TSC1: variants seen among roughly 807,000 people sequenced by gnomAD.
TSC1 encodes the protein TSC complex subunit 1.
TSC1 carries 20 observed loss-of-function variants against 124.3 expected under a neutral mutation model. The ratio of observed to expected loss-of-function variants is 0.16; its 90% confidence interval spans 0.11 to 0.23. TSC1 has a LOEUF of 0.23. Ranked by LOEUF, TSC1 falls within the 10% of genes least tolerant of loss-of-function variation. TSC1 has a pLI of 1.00. For missense variants in TSC1, 1,124 were observed against 1,448.5 expected, an observed-to-expected ratio of 0.78 and a Z score of 3.64; for synonymous variants, 493 against 539.1, an observed-to-expected ratio of 0.91 and a Z score of 1.19.
At position 132,944,579 on chromosome 9, in the gene TSC1, T is replaced by A. The variant is rs1229074092; in HGVS notation, c.-180A>T. 3 of 398,442 alleles carry A rather than the reference T, an allele frequency of 7.5e-6. No individual in the cohort carries two copies. Among genetic ancestry groups the A allele is most frequent in the Admixed American group, 4.4e-5 (1 of 22,692 alleles). The allele number at this position is 398,442 out of a possible 1,614,324, so 24.7% of individuals were successfully genotyped here. A position where few individuals can be genotyped will look rare whatever the true frequency, so the allele number is the denominator to read the frequency against. On this transcript the variant is annotated 5_prime_UTR_variant, in exon 1 of 23. Coordinates refer to ENST00000298552, the MANE Select transcript of TSC1 (RefSeq NM_000368.5). ...TCCCCCTCAGCTGTTTACCTCACAGTCCCTCCAGCCTACAGGGCGCCGCCA... is the reference window on the plus strand; with the variant it reads ...TCCCCCTCAGCTGTTTACCTCACAGACCCTCCAGCCTACAGGGCGCCGCCA...
intron 13 of TSC1, 117 bp downstream of exon 13, chr9:132,907,184 G>T: frequency 1.2e-6 from 1 of 828,236 alleles, no homozygotes; most frequent in Non-Finnish European, 2.1e-6. Context: ...TTATGTTTAG[G>T]CCTCAGTATT....
chr9:132,901,549 G>C (rs375844596), intron 19 of TSC1, 40 bp downstream of exon 19: 1 of 1,518,998 alleles, frequency 6.6e-7, no homozygotes, highest in Non-Finnish European at 9.1e-7. Context: ...GTTAGCAAAT[G>C]GTGTTTCAGC....
rs1057521710 is a variant in TSC1, at chr9:132,897,180, C to G, written c.2975+4G>C. The G allele has an allele frequency of 6.2e-7, 1 of 1,614,040 alleles. No homozygotes were observed. The highest frequency in any genetic ancestry group is 1.3e-5 in the African/African-American group (1 of 75,050). On this transcript the variant is annotated splice_donor_region_variant and intron_variant, in intron 22 of 22. Coordinates refer to ENST00000298552, the MANE Select transcript of TSC1 (RefSeq NM_000368.5). ...AAGGTCATGAATCAGTTCTTTGTTCCTACCTTTCTTCTGCTGCTTCAGCTG... is the reference window on the plus strand; with the variant it reads ...AAGGTCATGAATCAGTTCTTTGTTCGTACCTTTCTTCTGCTGCTTCAGCTG...
upstream of TSC1, chr9:132,944,752 GC>G: frequency 2.5e-6 from 1 of 397,382 alleles, no homozygotes; most frequent in Non-Finnish European, 4.4e-6. Flanking sequence ...GAAGGAAGAG[GC>G]TCTTCCACTC....
intron 8 of TSC1, among the ~76,000 whole-genome samples, chr9:132,914,310 T>C (rs1259618161): frequency 2.0e-5 from 3 of 152,120 alleles, no homozygotes; most frequent in Non-Finnish European, 4.4e-5. Context: ...ACAGCACAGC[T>C]TGTAATGGAA....
rs1162755582 is a variant in TSC1, at chr9:132,921,464, A to C, written c.664-28T>G. The C allele has an allele frequency of 6.2e-7, 1 of 1,612,342 alleles. No homozygotes were observed. The highest frequency in any genetic ancestry group is 1.3e-5 in the African/African-American group (1 of 74,902). ...AGAAGAGTTGGGTTGACAAATTATA[A>C]AGGGCTGAATGTTTGTGGAACATCC... On this transcript the variant is annotated intron_variant, in intron 7 of 22. Transcript: ENST00000298552. The surrounding 1 kb of genome is among the most constrained non-coding windows in gnomAD (Gnocchi z 4.3).
chr9:132,899,946 C>T (rs1399467022), intron 20 of TSC1: 4 of 152,294 alleles, frequency 2.6e-5, no homozygotes, highest in Non-Finnish European at 5.9e-5. Context: ...CCACACCTAA[C>T]ATCCTTCTAA....
rs745475737 is a variant in TSC1 at position 132,896,316 on chromosome 9, A to G, written c.3414T>C (p.Pro1138=). The change falls in exon 23 of 23, where the codon CCT becomes CCC. Residue 1138 remains proline (P), a synonymous_variant. Coordinates refer to ENST00000298552, the MANE Select transcript of TSC1 (RefSeq NM_000368.5). The surrounding 1 kb of genome is among the most constrained non-coding windows in gnomAD (Gnocchi z 4.5). The part of the protein sequence containing the change: ...EAKIPLNLDG[P]HPSPPTPDSV... The stretch of plus-strand genomic sequence containing the variant: ...TGTCCGGGGTCGGGGGAGACGGGTG[A>G]GGGCCATCTAGGTTCAGGGGAATCT... 20 of 1,614,056 alleles carry G rather than the reference A, an allele frequency of 1.2e-5. No individual in the cohort carries two copies. In the Admixed American group the frequency reaches 3.3e-4, roughly 27 times the overall value.
In TSC1 at chr9:132,894,109, C is replaced by T. The variant is rs183690096; in HGVS notation, c.*2126G>A. 86 of 233,644 alleles carry T rather than the reference C, an allele frequency of 3.7e-4. No individual in the cohort carries two copies. The highest frequency in any genetic ancestry group is 2.5e-3 in the Middle Eastern group (2 of 786). The allele number at this position is 233,644 out of a possible 1,614,324, so 14.5% of individuals were successfully genotyped here. Reference sequence around the variant, plus strand: ...AAGCTGAGTAAAAGGACACCCAGGCCGCATGGATGAGCTGAGGACCCTGTG... The same window carrying T: ...AAGCTGAGTAAAAGGACACCCAGGCTGCATGGATGAGCTGAGGACCCTGTG... On this transcript the variant is annotated 3_prime_UTR_variant, in exon 23 of 23. Transcript: ENST00000298552.
chr9:132,926,640 T>C (rs1027905249), intron 4 of TSC1: 6 of 163,392 alleles, frequency 3.7e-5, no homozygotes, highest in Non-Finnish European at 6.8e-5. Context: ...AAATCATCAC[T>C]ATACAATTAT....
Position 132,911,507 on chromosome 9 carries a change from C to A in TSC1, c.975G>T (p.Gln325His), listed in dbSNP as rs1554817398. The change falls in exon 10 of 23, where the codon CAG (glutamine) becomes CAT (histidine). Residue 325 changes from glutamine to histidine, a missense_variant. Gln to His is a conservative substitution (Grantham distance 24). This residue lies in a region of TSC1 where 463 missense variants were observed against 606.8 expected (regional missense o/e 0.76). Transcript: ENST00000298552. Reference sequence around the variant, plus strand: ...ATGGGGAACTCAGAGTCTGAGGTAGCTGCCCTGGCATATTTAACAACATCA... The same window carrying A: ...ATGGGGAACTCAGAGTCTGAGGTAGATGCCCTGGCATATTTAACAACATCA... ...SRLMLLNMPG[Q>H]LPQTLSSPST... 3 of 1,613,782 alleles carry A rather than the reference C, an allele frequency of 1.9e-6. No homozygotes were observed. Among genetic ancestry groups the A allele is most frequent in the Non-Finnish European group, 2.5e-6 (3 of 1,179,948 alleles).
At chr9:132,935,470 C>T (rs1303804049) in intron 1 of TSC1, among the ~76,000 whole-genome samples, 1 of 152,194 alleles carries the variant, frequency 6.6e-6, no homozygotes, top group African/African-American at 2.4e-5. Context: ...AATGTCTAAC[C>T]GTAAGTTACC....
chr9:132,917,133 T>C (rs985942039), intron 8 of TSC1, among the ~76,000 whole-genome samples: 7 of 152,210 alleles, frequency 4.6e-5, no homozygotes, highest in African/African-American at 1.4e-4. Flanking sequence ...TTAATGTGAT[T>C]TCATTTTTTT....
chr9:132,927,151 G>A (rs778626636), intron 4 of TSC1, 50 bp downstream of exon 4: 13 of 1,569,536 alleles, frequency 8.3e-6, no homozygotes, highest in African/African-American at 1.3e-5. Context: ...CACAGAAGCT[G>A]TTGTACTCAT....
At chr9:132,934,884 T>G (rs1277178589) in intron 2 of TSC1, 149 bp downstream of exon 2, 5 of 396,282 alleles carry the variant, frequency 1.3e-5, no homozygotes, top group Non-Finnish European at 1.8e-5. Context: ...CTAATAATCA[T>G]CAGTAATGTG....
Position 132,900,848 on chromosome 9 carries a change from A to C in TSC1, c.2503-11T>G, listed in dbSNP as rs201568350. 1.7e-5 allele frequency: 27 copies of C among 1,613,892 alleles called. No individual in the cohort carries two copies. The highest frequency in any genetic ancestry group is 3.3e-4 in the Middle Eastern group (2 of 6,084). ...CTCACTGTTTGAGAGCTAACCAAAA[A>C]ACATGAGCAAAGTGAAAAATCCGAC... On this transcript the variant is annotated splice_polypyrimidine_tract_variant and intron_variant, in intron 19 of 22. Transcript: ENST00000298552.
At chr9:132,907,262 A>C in intron 13 of TSC1, 39 bp downstream of exon 13, 1 of 1,554,920 alleles carries the variant, frequency 6.4e-7, no homozygotes, top group Non-Finnish European at 8.9e-7. Context: ...ACCCAATTAG[A>C]AGAGGCAAGC....
In TSC1 at chr9:132,903,540, T is replaced by C; in HGVS notation, c.2208+111A>G. ...ATCTCAAGCGACCTGCCCAAAGGAG[T>C]GGGAAGGACTGGGAACTCTGACCTC... On this transcript the variant is annotated intron_variant, in intron 17 of 22. Coordinates refer to ENST00000298552, the MANE Select transcript of TSC1 (RefSeq NM_000368.5). This position sits in a 1 kb window ranked among gnomAD's most constrained non-coding sequence, Gnocchi z 5.9. 6.7e-7 allele frequency: 1 copy of C among 1,500,708 alleles called. No homozygotes were observed. Among genetic ancestry groups the C allele is most frequent in the South Asian group, 1.1e-5 (1 of 88,024 alleles). The allele number at this position is 1,500,708 out of a possible 1,614,324, so 93.0% of individuals were successfully genotyped here.
rs2131614689 is a variant in TSC1 at position 132,896,704 on chromosome 9, T to C, written c.3026A>G (p.Glu1009Gly). 6.2e-7 allele frequency: 1 copy of C among 1,614,000 alleles called. No individual in the cohort carries two copies. The highest frequency in any genetic ancestry group is 8.5e-7 in the Non-Finnish European group (1 of 1,180,032). ...GCSDSMVGHN[E>G]EASGHNGETK... is the part of the protein sequence containing the mutation. ...CTCACCGTTGTGGCCAGATGCCTCT[T>C]CATTGTGCCCTACCATGGAATCTGA... The change falls in exon 23 of 23, where the codon GAA (glutamate) becomes GGA (glycine). Residue 1009 changes from glutamate (E) to glycine (G), a missense_variant. Coordinates refer to ENST00000298552, the MANE Select transcript of TSC1 (RefSeq NM_000368.5). This position sits in a 1 kb window ranked among gnomAD's most constrained non-coding sequence, Gnocchi z 4.5.
Sources: gnomAD v4.1 joint callset for allele counts (sites outside exome capture counted in the v4.1 genomes callset) on GRCh38, gnomAD v4.1.1 for gene constraint, gnomAD v4.1.1 regional missense constraint, Gnocchi (gnomAD v3.1) non-coding constraint, MANE v1.5 for transcripts, NCBI Gene and HGNC (gene_info 2026-07-23, HGNC 2026-07-21) for gene names.